Variants in ADGRG6 observed in about 807,000 individuals in gnomAD.
The protein encoded by ADGRG6 is adhesion G protein-coupled receptor G6, also known as G-protein coupled receptor 126.
A neutral mutation model predicts 142.4 loss-of-function variants in ADGRG6; 84 were observed. That is an observed-to-expected ratio of 0.59 (90% CI 0.49 to 0.71). ADGRG6 has a LOEUF of 0.71. ADGRG6 is among the 30% of genes least tolerant of loss of function. The pLI, the probability that ADGRG6 is intolerant of heterozygous loss-of-function variation, is 0.00. For missense variants in ADGRG6, 1,367 were observed against 1,466.6 expected, an observed-to-expected ratio of 0.93 and a Z score of 1.11; for synonymous variants, 521 against 520.5, an observed-to-expected ratio of 1.00 and a Z score of -0.01.
chr6:142,410,913 CTTTG>C (rs1192697803), intron 17 of ADGRG6, among the ~76,000 whole-genome samples: 2 of 151,548 alleles, frequency 1.3e-5, no homozygotes, highest in Non-Finnish European at 2.9e-5. Context: ...AGCAAACCTT[CTTTG>C]TTCTTATGTC....
intron 2 of ADGRG6, among the ~76,000 whole-genome samples, chr6:142,321,470 A>T (rs1388788897): frequency 6.6e-6 from 1 of 152,110 alleles, no homozygotes; most frequent in Non-Finnish European, 1.5e-5. Flanking sequence ...ACATGTAAAT[A>T]CATAAACAGA....
chr6:142,348,496 A>T, intron 2 of ADGRG6, among the ~76,000 whole-genome samples: 1 of 152,196 alleles, frequency 6.6e-6, no homozygotes, highest in Non-Finnish European at 1.5e-5. Context: ...TCCTCTGTTC[A>T]TTCCTGACAT....
chr6:142,329,814 A>C (rs1466382083), intron 2 of ADGRG6, among the ~76,000 whole-genome samples: 3 of 152,142 alleles, frequency 2.0e-5, no homozygotes, highest in Non-Finnish European at 4.4e-5. Flanking sequence ...TTCTTCTCTA[A>C]GTTTTTCTAA....
intron 24 of ADGRG6, chr6:142,441,014 G>T (rs963800676): frequency 1.3e-6 from 1 of 772,480 alleles, no homozygotes; most frequent in African/African-American, 1.8e-5. Context: ...GAGAATATGT[G>T]CATGGATTAA....
At chr6:142,375,083 T>C (rs779391541) in intron 4 of ADGRG6, among the ~76,000 whole-genome samples, 8 of 152,176 alleles carry the variant, frequency 5.3e-5, no homozygotes, top group Non-Finnish European at 1.0e-4. Flanking sequence ...TCCACCCCTG[T>C]GCCCCTGGAA....
Position 142,428,995 on chromosome 6 carries a change from C to A in ADGRG6, c.3320-8439C>A, listed in dbSNP as rs547770018. On this transcript the variant is annotated intron_variant, in intron 22 of 24. Transcript: ENST00000367609. The stretch of plus-strand genomic sequence containing the variant: ...TTGCTGTTTTCCAGGATAAAACAGG[C>A]ATATCACTGTATTGAAATTTTAAAT... Among the ~76,000 whole-genome samples, 5 of 152,146 alleles carry A rather than the reference C, an allele frequency of 3.3e-5. No individual in the cohort carries two copies. The East Asian group carries it at 9.7e-4, about 29-fold the overall frequency.
In ADGRG6 at chr6:142,443,337, A is replaced by G. The variant is rs1777845695; in HGVS notation, c.3575A>G (p.Asp1192Gly). Residue 1192 changes from aspartate to glycine, a missense_variant and splice_region_variant, in exon 25 of 25, where the codon GAC becomes GGC. By Grantham distance (94) the Asp-to-Gly change is moderately conservative (BLOSUM62 -1). Around this residue, in one of 3 missense-constraint regions of ADGRG6, gnomAD observed 344 missense variants for 348.7 expected, o/e 0.99. Coordinates refer to ENST00000367609, the MANE Select transcript of ADGRG6 (RefSeq NM_198569.3). Reference sequence around the variant, plus strand: ...TAATTTCTTGTATCATTTCTTGCAGACAGTGCTTCCATGGACAAGTCCTTG... The same window carrying G: ...TAATTTCTTGTATCATTTCTTGCAGGCAGTGCTTCCATGGACAAGTCCTTG... ...TTYFKRNSHT[D>G]SASMDKSLSK... The G allele has an allele frequency of 6.2e-7, 1 of 1,605,944 alleles. No homozygotes were observed. The highest frequency in any genetic ancestry group is 8.5e-7 in the Non-Finnish European group (1 of 1,175,912).
chr6:142,439,419 T>C (rs1006691417), intron 24 of ADGRG6, among the ~76,000 whole-genome samples: 18 of 152,180 alleles, frequency 1.2e-4, no homozygotes, highest in Non-Finnish European at 2.4e-4. Context: ...TTTTTGCAAA[T>C]AGGGAGTAAG....
At chr6:142,421,281 T>A (rs1011150018) in intron 22 of ADGRG6, among the ~76,000 whole-genome samples, 7 of 152,162 alleles carry the variant, frequency 4.6e-5, no homozygotes, top group Admixed American at 2.6e-4. Context: ...TATTCCAATC[T>A]GAGATGCCTC....
intron 2 of ADGRG6, among the ~76,000 whole-genome samples, chr6:142,315,608 A>T (rs9484621): frequency 6.6e-6 from 1 of 151,872 alleles, no homozygotes; most frequent in Non-Finnish European, 1.5e-5. Context: ...GGCGGCGGGC[A>T]GATCATGAGG....
chr6:142,338,911 A>G (rs1198485672), intron 2 of ADGRG6, among the ~76,000 whole-genome samples: 1 of 152,190 alleles, frequency 6.6e-6, no homozygotes, highest in Non-Finnish European at 1.5e-5. Flanking sequence ...TTCAATAGCT[A>G]ACTCATTATT....
In ADGRG6 at chr6:142,370,713, A is replaced by G. The variant is rs1781201698; in HGVS notation, c.989A>G (p.Lys330Arg). ...KILSNLSCNV[K>R]GNVVDWQNDF... Reference sequence around the variant, plus strand: ...CTCTCCAACCTCAGCTGTAATGTGAAAGGGAATGTAGTCGACTGGCAAAAT... The same window carrying G: ...CTCTCCAACCTCAGCTGTAATGTGAGAGGGAATGTAGTCGACTGGCAAAAT... Residue 330 changes from lysine (K) to arginine (R), a missense_variant, in exon 4 of 25, where the codon AAA becomes AGA. Physicochemically the swap from Lys to Arg is conservative, Grantham distance 26. This residue lies in a region of ADGRG6 where 737 missense variants were observed against 746.5 expected (regional missense o/e 0.99). Coordinates refer to ENST00000367609, the MANE Select transcript of ADGRG6 (RefSeq NM_198569.3). The G allele has an allele frequency of 6.2e-6, 10 of 1,613,850 alleles. No homozygotes were observed. The highest frequency in any genetic ancestry group is 7.6e-6 in the Non-Finnish European group (9 of 1,179,788).
chr6:142,370,514 A>G lies in ADGRG6; in HGVS notation c.790A>G (p.Ile264Val), dbSNP rs1180664658. Residue 264 changes from isoleucine (I) to valine (V), a missense_variant, in exon 4 of 25, where the codon ATT becomes GTT. By Grantham distance (29) the Ile-to-Val change is conservative. Coordinates refer to ENST00000367609, the MANE Select transcript of ADGRG6 (RefSeq NM_198569.3). ...TGTTTGGAATAATTCTTTGGGCTCT[A>G]TTGGTGTAAATTTCAAAAGAAACTA... Reference protein sequence around the residue: ...CLVWNNSLGSIGVNFKRNYET... With the variant: ...CLVWNNSLGSVGVNFKRNYET... The G allele has an allele frequency of 1.9e-6, 3 of 1,613,620 alleles. No individual in the cohort carries two copies. The highest frequency in any genetic ancestry group is 2.5e-6 in the Non-Finnish European group (3 of 1,179,572).
rs544813096 is a variant in ADGRG6 at position 142,347,675 on chromosome 6, T to TATA, written c.104-19894_104-19893insATA. 3.7e-4 allele frequency among the ~76,000 whole-genome samples: 56 copies of TATA among 152,284 alleles called. 1 individual carries two copies. The East Asian group carries it at 0.01, about 28-fold the overall frequency. ...TAGACTTTTCTTTTACTATACTTGGTGTATGTCTCTACATTCAGTCTGGTA... is the reference window on the plus strand; with the variant it reads ...TAGACTTTTCTTTTACTATACTTGGTATAGTATGTCTCTACATTCAGTCTGGTA... On this transcript the variant is annotated intron_variant, in intron 2 of 24. Coordinates refer to ENST00000367609, the MANE Select transcript of ADGRG6 (RefSeq NM_198569.3).
At chr6:142,413,767 G>C (rs886373033) in intron 18 of ADGRG6, among the ~76,000 whole-genome samples, 1 of 152,078 alleles carries the variant, frequency 6.6e-6, no homozygotes, top group Admixed American at 6.6e-5. Context: ...AGAAGATAGG[G>C]GGAGCCCCCT....
chr6:142,360,825 T>A (rs953303503), intron 2 of ADGRG6, among the ~76,000 whole-genome samples: 2 of 152,002 alleles, frequency 1.3e-5, no homozygotes, highest in Admixed American at 1.3e-4. Flanking sequence ...TCCTGGCTAA[T>A]TTTTGTATTT....
intron 4 of ADGRG6, among the ~76,000 whole-genome samples, chr6:142,380,693 T>G (rs1288300365): frequency 1.3e-5 from 2 of 152,164 alleles, no homozygotes; most frequent in Non-Finnish European, 2.9e-5. Context: ...CTCATGGGCC[T>G]TCTTCTTTGA....
chr6:142,341,608 A>G (rs1583008790), intron 2 of ADGRG6, among the ~76,000 whole-genome samples: 1 of 130,002 alleles, frequency 7.7e-6, no homozygotes, highest in South Asian at 2.2e-4. Flanking sequence ...TATATATACT[A>G]TATAATATGT....
In ADGRG6 at chr6:142,415,047, A is replaced by G; in HGVS notation, c.2620A>G (p.Ile874Val). Residue 874 changes from isoleucine (I) to valine (V), a missense_variant, in exon 19 of 25, where the codon ATA becomes GTA. Physicochemically the swap from Ile to Val is conservative, Grantham distance 29. Around this residue, in one of 3 missense-constraint regions of ADGRG6, gnomAD observed 286 missense variants for 371.4 expected, o/e 0.77. Coordinates refer to ENST00000367609, the MANE Select transcript of ADGRG6 (RefSeq NM_198569.3). ...LTFISYIGCG[I>V]SAIFSAATLL... ...TTTCATCAGCTATATTGGGTGTGGA[A>G]TATCTGCTATTTTTTCAGCAGCAAC... is the stretch of plus-strand genomic sequence containing the variant. 6.2e-7 allele frequency: 1 copy of G among 1,612,094 alleles called. No individual in the cohort carries two copies. The highest frequency in any genetic ancestry group is 8.5e-7 in the Non-Finnish European group (1 of 1,178,814).
Sources: allele counts gnomAD v4.1 joint callset (sites outside exome capture counted in the v4.1 genomes callset), GRCh38; gene constraint gnomAD v4.1.1; regional missense constraint gnomAD v4.1.1; transcripts MANE v1.5; gene names NCBI Gene and HGNC (gene_info 2026-07-23, HGNC 2026-07-21).